PPP1R13L: variants seen among roughly 807,000 people sequenced by gnomAD.
PPP1R13L encodes relA-associated inhibitor.
Under a neutral mutation model 80.9 loss-of-function variants are expected in PPP1R13L, and 50 were observed. The ratio of observed to expected loss-of-function variants is 0.62; its 90% CI spans 0.49 to 0.78. The LOEUF is 0.78. Ranked by LOEUF, PPP1R13L falls within the 30% of genes least tolerant of loss-of-function variation. PPP1R13L has a pLI of 0.00. For missense variants in PPP1R13L, 1,200 were observed against 1,205.9 expected (o/e 1.00, Z 0.07); for synonymous variants, 602 against 534.3 (o/e 1.13, Z -1.75).
At chr19:45,386,603 A>G (rs1434495603) in intron 8 of PPP1R13L, among the ~76,000 whole-genome samples, 1 of 149,310 alleles carries the variant, frequency 6.7e-6, no homozygotes, top group East Asian at 2.0e-4. Flanking sequence ...GCATTTTATT[A>G]TTCCTTGTAT....
At chr19:45,390,871 A>G (rs944030981) in intron 8 of PPP1R13L, among the ~76,000 whole-genome samples, 19 of 152,096 alleles carry the variant, frequency 1.2e-4, no homozygotes, top group Admixed American at 6.6e-4. Context: ...GGCGTGAGCC[A>G]CCGCGCCCGG....
chr19:45,398,194 C>T (rs750858034), intron 2 of PPP1R13L, 47 bp from the exon 3 acceptor site: 1 of 1,612,114 alleles, frequency 6.2e-7, no homozygotes, highest in Non-Finnish European at 8.5e-7. Flanking sequence ...CTGGCAGGGG[C>T]CGGCCTCAGC....
intron 7 of PPP1R13L, chr19:45,392,692 A>G: frequency 2.6e-6 from 1 of 386,278 alleles, no homozygotes; most frequent in Non-Finnish European, 4.9e-6. Flanking sequence ...ACTTGAACTC[A>G]GTTCTGGCTG....
intron 1 of PPP1R13L, 42 bp downstream of exon 1, chr19:45,404,957 G>C (rs902796091): frequency 1.0e-6 from 1 of 982,914 alleles, no homozygotes; most frequent in African/African-American, 1.7e-5. Flanking sequence ...GCGGGTGTTG[G>C]GCTTTTTCAG....
chr19:45,397,449 C>T (rs73559374), intron 3 of PPP1R13L, among the ~76,000 whole-genome samples: 5,448 of 103,450 alleles, frequency 0.053, 392 homozygotes, highest in African/African-American at 0.16. Context: ...CCCTCCCTCC[C>T]TGCTTGCTTG....
Position 45,395,727 on chromosome 19 carries a change from G to T in PPP1R13L, c.1063C>A (p.Pro355Thr). ...CCGCGGGGCTGGGGGCTGGAGGGGGGCATGGGGATGCGGCTGACGGGCTGC... is the reference window on the plus strand; with the variant it reads ...CCGCGGGGCTGGGGGCTGGAGGGGGTCATGGGGATGCGGCTGACGGGCTGC... Reference protein sequence around the residue: ...SWQPVSRIPMPPSSPQPRGAP... With the variant: ...SWQPVSRIPMTPSSPQPRGAP... Residue 355 changes from proline to threonine, a missense_variant, in exon 7 of 13, where the codon CCC becomes ACC. Pro to Thr is a conservative substitution (Grantham distance 38, BLOSUM62 -1). Around this residue, in one of 5 missense-constraint regions of PPP1R13L, gnomAD observed 764 missense variants for 714.5 expected, o/e 1.07. Transcript: ENST00000360957. 7.3e-7 allele frequency: 1 copy of T among 1,373,764 alleles called. No homozygotes were observed. The highest frequency in any genetic ancestry group is 1.3e-5 in the South Asian group (1 of 75,254). 85.1% of individuals were successfully genotyped at this position (1,373,764 alleles called of 1,614,324 possible).
chr19:45,396,058 G>A lies in PPP1R13L; in HGVS notation c.903+110C>T. Reference sequence around the variant, plus strand: ...CAGTGAAGGGAGAGCGTGGGAACGGGCGCCGAGACCCAGATCGCAGCCCCG... The same window carrying A: ...CAGTGAAGGGAGAGCGTGGGAACGGACGCCGAGACCCAGATCGCAGCCCCG... On this transcript the variant is annotated intron_variant, in intron 6 of 12. Transcript: ENST00000360957. The surrounding 1 kb of genome is among the most constrained non-coding windows in gnomAD (Gnocchi z 5.3). 7.4e-7 allele frequency: 1 copy of A among 1,349,726 alleles called. No individual in the cohort carries two copies. The highest frequency in any genetic ancestry group is 1.0e-6 in the Non-Finnish European group (1 of 991,974). 83.6% of individuals were successfully genotyped at this position (1,349,726 alleles called of 1,614,324 possible).
chr19:45,387,939 T>C (rs909138952), intron 8 of PPP1R13L, among the ~76,000 whole-genome samples: 1 of 151,710 alleles, frequency 6.6e-6, no homozygotes, highest in African/African-American at 2.4e-5. Flanking sequence ...CTGAGGAGAG[T>C]GGATCACCTG....
rs1236607949 is a variant in PPP1R13L at position 45,385,578 on chromosome 19, G to A, written c.2232C>T (p.Cys744=). ...CDPYREGYAD[C]ATYLADVEQS... ...GCCTCGCACCTGCCAGGTAGGTGGC[G>A]CAGTCAGCATAACCCTCGCGGTAAG... Residue 744 remains cysteine (C), a synonymous_variant, in exon 11 of 13, where the codon TGC becomes TGT. Coordinates refer to ENST00000360957, the MANE Select transcript of PPP1R13L (RefSeq NM_006663.4). 1.2e-6 allele frequency: 2 copies of A among 1,612,034 alleles called. No individual in the cohort carries two copies. The highest frequency in any genetic ancestry group is 2.2e-5 in the South Asian group (2 of 90,994).
chr19:45,387,313 T>C (rs1465315007), intron 8 of PPP1R13L, among the ~76,000 whole-genome samples: 1 of 152,106 alleles, frequency 6.6e-6, no homozygotes, highest in Non-Finnish European at 1.5e-5. Flanking sequence ...TGTGAGTGCA[T>C]AGCATTTGTG....
chr19:45,402,847 T>C (rs1421929474), intron 1 of PPP1R13L, among the ~76,000 whole-genome samples: 1 of 152,156 alleles, frequency 6.6e-6, no homozygotes, highest in Non-Finnish European at 1.5e-5. Context: ...CCAGGTTCTT[T>C]AGGGCTAAGG....
intron 7 of PPP1R13L, chr19:45,395,182 A>G: frequency 3.9e-6 from 2 of 506,610 alleles, no homozygotes; most frequent in South Asian, 5.0e-5. Context: ...ATTGAGGCCC[A>G]GTGAGGTTAA....
chr19:45,396,645 C>A lies in PPP1R13L; in HGVS notation c.612G>T (p.Pro204=). 1 of 1,469,062 alleles carries A rather than the reference C, an allele frequency of 6.8e-7. No individual in the cohort carries two copies. The highest frequency in any genetic ancestry group is 8.9e-7 in the Non-Finnish European group (1 of 1,120,838). 91.0% of individuals were successfully genotyped at this position (1,469,062 alleles called of 1,614,324 possible). A position where few individuals can be genotyped will look rare whatever the true frequency, so the allele number is the denominator to read the frequency against. ...CGTCGTAGGCTGTGGCAGGGGGGCG[C>A]GGTGACGGCCCACGCTCGGGGAAGA... is the stretch of plus-strand genomic sequence containing the variant. The part of the protein sequence containing the change: ...QAFFPERGPS[P]RPPATAYDAP... Residue 204 remains proline (P), a synonymous_variant, in exon 4 of 13, where the codon CCG becomes CCT. Transcript: ENST00000360957. The surrounding 1 kb of genome is among the most constrained non-coding windows in gnomAD (Gnocchi z 5.3).
rs1452551909 is a variant in PPP1R13L at position 45,397,068 on chromosome 19, G to T, written c.199-10C>A. 5.4e-6 allele frequency: 7 copies of T among 1,302,640 alleles called. No homozygotes were observed. Among genetic ancestry groups the T allele is most frequent in the Non-Finnish European group, 6.8e-6 (7 of 1,025,930 alleles). The allele number at this position is 1,302,640 out of a possible 1,614,324, so 80.7% of individuals were successfully genotyped here. A position where few individuals can be genotyped will look rare whatever the true frequency, so the allele number is the denominator to read the frequency against. On this transcript the variant is annotated splice_polypyrimidine_tract_variant and intron_variant, in intron 3 of 12. Transcript: ENST00000360957. ...AGCTGTACCGGGGCGGCTGTGGGGA[G>T]GCCAGGGCATTGAGGGATGGATCAA...
At chr19:45,382,494 G>C in intron 12 of PPP1R13L, 33 bp downstream of exon 12, 1 of 1,595,186 alleles carries the variant, frequency 6.3e-7, no homozygotes, top group Non-Finnish European at 8.6e-7. Context: ...CCCAACTGTC[G>C]GGAGGTCCCC....
Position 45,391,798 on chromosome 19 carries a change from G to C in PPP1R13L, c.1815+82C>G, listed in dbSNP as rs1568557277. On this transcript the variant is annotated intron_variant, in intron 8 of 12. Coordinates refer to ENST00000360957, the MANE Select transcript of PPP1R13L (RefSeq NM_006663.4). The stretch of plus-strand genomic sequence containing the variant: ...AGGAGAAAACTTCGATCTCATCTAA[G>C]CCACTATATTTGGGGGGCTCTTTGC... The C allele has an allele frequency of 7.1e-6, 8 of 1,132,842 alleles. No homozygotes were observed. In the South Asian group the frequency reaches 1.7e-4, roughly 24 times the overall value. 70.2% of individuals were successfully genotyped at this position (1,132,842 alleles called of 1,614,324 possible).
chr19:45,404,264 C>A (rs2336218), intron 1 of PPP1R13L, among the ~76,000 whole-genome samples: 32,639 of 151,980 alleles, frequency 0.21, 3,798 homozygotes, highest in East Asian at 0.44. Context: ...AGAACTACCT[C>A]TGCAAACCCA....
rs370237291 is a variant in PPP1R13L at position 45,397,429 on chromosome 19, TTCCC to T, written c.199-375_199-372del. Among the ~76,000 whole-genome samples the T allele has an allele frequency of 7.1e-3, 1,035 of 145,942 alleles. 17 individuals are homozygous for T. Among genetic ancestry groups the T allele is most frequent in the African/African-American group, 0.025 (975 of 39,546 alleles). On this transcript the variant is annotated intron_variant, in intron 3 of 12. Coordinates refer to ENST00000360957, the MANE Select transcript of PPP1R13L (RefSeq NM_006663.4). ...CCTTCCTTCCTTTCTCTCTCTCTCC[TTCCC>T]TCCCTCCCTCCCTCCCTGCTTGCTT...
intron 7 of PPP1R13L, chr19:45,395,172 A>G: frequency 2.1e-6 from 1 of 482,312 alleles, no homozygotes; most frequent in Non-Finnish European, 3.7e-6. Flanking sequence ...ACTCAAGAAA[A>G]TTGAGGCCCA....
Sources: gnomAD v4.1 joint callset for allele counts (sites outside exome capture counted in the v4.1 genomes callset) on GRCh38, gnomAD v4.1.1 for gene constraint, gnomAD v4.1.1 regional missense constraint, Gnocchi (gnomAD v3.1) non-coding constraint, MANE v1.5 for transcripts, NCBI Gene and HGNC (gene_info 2026-07-23, HGNC 2026-07-21) for gene names.